Variants in SNTG1 observed in about 807,000 individuals in gnomAD.
The protein encoded by SNTG1 is syntrophin gamma 1, also known as gamma-1-syntrophin.
A neutral mutation model predicts 74.7 loss-of-function variants in SNTG1; 39 were observed. The observed-to-expected ratio is 0.52, with a 90% CI of 0.40 to 0.68. The LOEUF (loss-of-function observed/expected upper bound fraction) is 0.68, where lower values mean the gene tolerates loss of function less well. Among genes scored for constraint, SNTG1 ranks in the 30% least tolerant of loss-of-function variants. The pLI, the probability that SNTG1 is intolerant of heterozygous loss-of-function variation, is 0.00. For synonymous variants in SNTG1, 254 were observed against 217.1 expected (o/e 1.17, Z -1.49); for missense variants, 685 against 609.5 (o/e 1.12, Z -1.30).
chr8:50,022,082 T>C (rs1307684650), intron 1 of SNTG1, among the ~76,000 whole-genome samples: 1 of 152,106 alleles, frequency 6.6e-6, no homozygotes, highest in Non-Finnish European at 1.5e-5. Context: ...TAAGAATACA[T>C]CATAATGTAA....
intron 17 of SNTG1, among the ~76,000 whole-genome samples, chr8:50,716,347 C>G (rs1563776314): frequency 6.6e-6 from 1 of 152,018 alleles, no homozygotes; most frequent in African/African-American, 2.4e-5. Context: ...CTTCACTATA[C>G]AAGTTATAAT....
intron 18 of SNTG1, among the ~76,000 whole-genome samples, chr8:50,770,303 T>C (rs1003829710): frequency 6.6e-6 from 1 of 152,112 alleles, no homozygotes; most frequent in Non-Finnish European, 1.5e-5. Flanking sequence ...TTATTCAGAA[T>C]TGTGGAAATA....
At chr8:50,769,976 A>C (rs1052146923) in intron 18 of SNTG1, among the ~76,000 whole-genome samples, 3 of 152,150 alleles carry the variant, frequency 2.0e-5, no homozygotes, top group Non-Finnish European at 4.4e-5. Flanking sequence ...GAGGATCAGG[A>C]GATTAAGATA....
chr8:50,344,753 C>T (rs1284510103), intron 2 of SNTG1, among the ~76,000 whole-genome samples: 1 of 152,114 alleles, frequency 6.6e-6, no homozygotes, highest in African/African-American at 2.4e-5. Context: ...TGAGTACTGC[C>T]CCTCTGGTGC....
chr8:50,350,477 A>C (rs980686559), intron 2 of SNTG1, among the ~76,000 whole-genome samples: 7 of 151,514 alleles, frequency 4.6e-5, no homozygotes, highest in Non-Finnish European at 1.0e-4. Flanking sequence ...GTTTGCAAAC[A>C]CACCAATCAG....
At chr8:50,714,759 A>C (rs1181902495) in intron 17 of SNTG1, among the ~76,000 whole-genome samples, 1 of 152,044 alleles carries the variant, frequency 6.6e-6, no homozygotes, top group Non-Finnish European at 1.5e-5. Flanking sequence ...AGATTGGGCC[A>C]CATGATCAAG....
At chr8:50,272,725 C>T (rs2087849321) in intron 2 of SNTG1, among the ~76,000 whole-genome samples, 1 of 152,090 alleles carries the variant, frequency 6.6e-6, no homozygotes, top group East Asian at 1.9e-4. Context: ...TTATATCATA[C>T]AACTTGTAAT....
At chr8:50,485,544 G>C (rs1175276728) in intron 8 of SNTG1, among the ~76,000 whole-genome samples, 1 of 150,722 alleles carries the variant, frequency 6.6e-6, no homozygotes, top group Non-Finnish European at 1.5e-5. Context: ...AAATTTGTTT[G>C]AGTTCATTGT....
intron 2 of SNTG1, among the ~76,000 whole-genome samples, chr8:50,328,675 G>T (rs967447642): frequency 6.6e-6 from 1 of 152,070 alleles, no homozygotes. Context: ...GGGATTACAG[G>T]TCCTTCCCTA....
At position 50,541,243 on chromosome 8, in the gene SNTG1, C is replaced by CTGTGTGTGTGTGTG. The variant is rs200129335; in HGVS notation, c.680+4456_680+4469dup. On this transcript the variant is annotated intron_variant, in intron 11 of 18. Transcript: ENST00000642720. ...ACAAAATTCACCACTAAGATTTTAC[C>CTGTGTGTGTGTGTG]TGTGTGTGTGTGTGTGTGTGTGTGT... 3.4e-3 allele frequency among the ~76,000 whole-genome samples: 493 copies of CTGTGTGTGTGTGTG among 143,048 alleles called. 5 individuals carry two copies. Among genetic ancestry groups the CTGTGTGTGTGTGTG allele is most frequent in the African/African-American group, 0.011 (404 of 38,430 alleles). The allele number at this position is 143,048 out of a possible 152,430, so 93.8% of individuals were successfully genotyped here. A position where few individuals can be genotyped will look rare whatever the true frequency, so the allele number is the denominator to read the frequency against.
At chr8:50,028,509 G>T (rs1563493256) in intron 1 of SNTG1, among the ~76,000 whole-genome samples, 1 of 147,208 alleles carries the variant, frequency 6.8e-6, no homozygotes, top group Non-Finnish European at 1.5e-5. Context: ...GCCGTTGCAG[G>T]TGTATCTTTA....
chr8:50,780,712 G>C (rs534147182), intron 18 of SNTG1, among the ~76,000 whole-genome samples: 1 of 152,016 alleles, frequency 6.6e-6, no homozygotes, highest in Non-Finnish European at 1.5e-5. Context: ...CTTCAGTTCT[G>C]CTCTGATTTT....
intron 8 of SNTG1, among the ~76,000 whole-genome samples, chr8:50,488,164 C>T (rs974684143): frequency 1.7e-4 from 26 of 151,972 alleles, no homozygotes; most frequent in African/African-American, 5.3e-4. Context: ...TAGATAAAGA[C>T]GCATGAAGAA....
chr8:50,218,069 C>T (rs576276767), intron 2 of SNTG1, among the ~76,000 whole-genome samples: 15 of 152,158 alleles, frequency 9.9e-5, no homozygotes, highest in South Asian at 2.1e-4. Flanking sequence ...TATTTCAGCA[C>T]GAGCTAATTC....
intron 1 of SNTG1, among the ~76,000 whole-genome samples, chr8:50,057,187 G>A (rs962201398): frequency 3.9e-5 from 6 of 151,972 alleles, no homozygotes; most frequent in African/African-American, 1.4e-4. Context: ...CTCAGAACGT[G>A]GTGTTCTCCT....
At chr8:49,969,071 C>A (rs1811400740) in intron 1 of SNTG1, among the ~76,000 whole-genome samples, 1 of 152,056 alleles carries the variant, frequency 6.6e-6, no homozygotes, top group South Asian at 2.1e-4. Context: ...GAATTGGAGG[C>A]AGAATGATAG....
intron 2 of SNTG1, among the ~76,000 whole-genome samples, chr8:50,207,368 T>A (rs571287658): frequency 7.2e-4 from 109 of 152,360 alleles, no homozygotes; most frequent in Non-Finnish European, 1.0e-3. Flanking sequence ...GTGTTTATAG[T>A]ATACTCTGAT....
Position 50,553,752 on chromosome 8 carries a change from C to T in SNTG1, c.810+573C>T, listed in dbSNP as rs185924749. ...TGTAGCTATCTTCTCATTATTTTAACTCTTTAATAACCTAAATAATTCTTT... is the reference window on the plus strand; with the variant it reads ...TGTAGCTATCTTCTCATTATTTTAATTCTTTAATAACCTAAATAATTCTTT... On this transcript the variant is annotated intron_variant, in intron 12 of 18. Transcript: ENST00000642720. Among the ~76,000 whole-genome samples, 644 of 152,244 alleles carry T rather than the reference C, an allele frequency of 4.2e-3. 9 individuals carry two copies. The highest frequency in any genetic ancestry group is 0.014 in the African/African-American group (582 of 41,532).
chr8:50,019,591 C>G (rs1045955393), intron 1 of SNTG1, among the ~76,000 whole-genome samples: 4 of 152,052 alleles, frequency 2.6e-5, no homozygotes, highest in Non-Finnish European at 1.5e-5. Flanking sequence ...ATTCATGTAT[C>G]CATGCATGGG....
Sources: gnomAD v4.1 joint callset for allele counts (sites outside exome capture counted in the v4.1 genomes callset) on GRCh38, gnomAD v4.1.1 for gene constraint, MANE v1.5 for transcripts, NCBI Gene and HGNC (gene_info 2026-07-23, HGNC 2026-07-21) for gene names.